Variants in FN1 observed in about 807,000 individuals in gnomAD.
FN1 encodes the protein fibronectin.
A neutral mutation model predicts 297.3 loss-of-function variants in FN1; 106 were observed. The ratio of observed to expected loss-of-function variants is 0.36; its 90% CI spans 0.30 to 0.42. The LOEUF is 0.42. FN1 is among the 10% of genes least tolerant of loss of function. The pLI, the probability that FN1 is intolerant of heterozygous loss-of-function variation, is 1.00. For missense variants in FN1, 2,690 were observed against 3,124.9 expected, an observed-to-expected ratio of 0.86 and a Z score of 3.32; for synonymous variants, 1,149 against 1,152.6, an observed-to-expected ratio of 1.00 and a Z score of 0.06.
At chr2:215,372,461 A>G (rs1431232809) in intron 39 of FN1, 86 bp from the exon 40 acceptor site, 27 of 974,868 alleles carry the variant, frequency 2.8e-5, no homozygotes, top group Non-Finnish European at 4.4e-5. Flanking sequence ...TTCAGGCAAC[A>G]ATGACTGTTC....
chr2:215,398,622 G>C (rs1033165054), intron 21 of FN1, among the ~76,000 whole-genome samples: 8 of 152,142 alleles, frequency 5.3e-5, no homozygotes, highest in African/African-American at 1.9e-4. Flanking sequence ...CGATCAAGGG[G>C]ATTGAGTCAT....
Position 215,422,344 on chromosome 2 carries a change from C to A in FN1, c.1394-101G>T, listed in dbSNP as rs762565380. The A allele has an allele frequency of 3.6e-4, 423 of 1,180,560 alleles. 1 individual carries two copies. Among genetic ancestry groups the A allele is most frequent in the Non-Finnish European group, 4.9e-4 (389 of 786,950 alleles). The allele number at this position is 1,180,560 out of a possible 1,614,324, so 73.1% of individuals were successfully genotyped here. ...GTTCAGTTTGGTCATCCTAAGAATTCTCACTTGGGAAGAAGCTTTGTGTGC... is the reference window on the plus strand; with the variant it reads ...GTTCAGTTTGGTCATCCTAAGAATTATCACTTGGGAAGAAGCTTTGTGTGC... On this transcript the variant is annotated intron_variant, in intron 9 of 45. Transcript: ENST00000354785.
chr2:215,422,077 AT>A lies in FN1; in HGVS notation c.1546+13del, dbSNP rs753876695. ...TTTGCCATCTCAAATATTTTTGTTA[AT>A]CAGCCAGCATACCTCGAAGCTGCGA... On this transcript the variant is annotated intron_variant, in intron 10 of 45. Transcript: ENST00000354785. 17 of 1,613,834 alleles carry A rather than the reference AT, an allele frequency of 1.1e-5. No homozygotes were observed. In the African/African-American group the frequency reaches 1.9e-4, roughly 18 times the overall value.
At chr2:215,367,220 C>CT (rs1207320018) in intron 42 of FN1, among the ~76,000 whole-genome samples, 7 of 152,104 alleles carry the variant, frequency 4.6e-5, no homozygotes, top group African/African-American at 1.7e-4. Flanking sequence ...AATCTCAAAG[C>CT]ATAATAGATA....
Position 215,433,419 on chromosome 2 carries a change from C to A in FN1, c.320G>T (p.Arg107Leu). 1 of 1,614,126 alleles carries A rather than the reference C, an allele frequency of 6.2e-7. No homozygotes were observed. Among genetic ancestry groups the A allele is most frequent in the Non-Finnish European group, 8.5e-7 (1 of 1,179,986 alleles). Residue 107 changes from arginine (R) to leucine (L), a missense_variant, in exon 3 of 46, where the codon CGA becomes CTA. Physicochemically the swap from Arg to Leu is moderately radical, Grantham distance 102. Around this residue, in one of 3 missense-constraint regions of FN1, gnomAD observed 876 missense variants for 1,058.1 expected, o/e 0.83. Transcript: ENST00000354785. ...AGGACGCTCATAAGTGTCACCCACT[C>A]GGTAAGTGTTCCCAGTGTACTTGTC... ...CFDKYTGNTY[R>L]VGDTYERPKD...
chr2:215,372,547 G>T (rs2056438832), intron 39 of FN1, 172 bp from the exon 40 acceptor site: 1 of 652,072 alleles, frequency 1.5e-6, no homozygotes. Context: ...GAAATCTTTA[G>T]GATTTTTCTC....
Position 215,419,272 on chromosome 2 carries a change from A to C in FN1, c.1789T>G (p.Trp597Gly). ...TAGGTCTGTAAAGGTTGGCAATGCC[A>C]CTCCCCAATGCCACGGCCATAGCAG... ...CYCYGRGIGEWHCQPLQTYPS... is the reference protein window; with the variant it reads ...CYCYGRGIGEGHCQPLQTYPS... Residue 597 changes from tryptophan to glycine, a missense_variant, in exon 12 of 46, where the codon TGG becomes GGG. Physicochemically the swap from Trp to Gly is radical, Grantham distance 184. Coordinates refer to ENST00000354785, the MANE Select transcript of FN1 (RefSeq NM_212482.4). The C allele has an allele frequency of 1.2e-6, 2 of 1,613,864 alleles. No individual in the cohort carries two copies. Among genetic ancestry groups the C allele is most frequent in the Non-Finnish European group, 1.7e-6 (2 of 1,179,876 alleles).
rs1180976655 is a variant in FN1 at position 215,393,440 on chromosome 2, A to ATG, written c.3797-238_3797-237insCA. On this transcript the variant is annotated intron_variant, in intron 24 of 45. Transcript: ENST00000354785. ...ATTCTTTTAGGGAATATATATATATATATATTTTTTACATTTTGAAAACAT... is the reference window on the plus strand; with the variant it reads ...ATTCTTTTAGGGAATATATATATATATGTATATTTTTTACATTTTGAAAACAT... The ATG allele has an allele frequency of 1.7e-5, 3 of 180,758 alleles. No individual in the cohort carries two copies. The Admixed American group carries it at 1.9e-4, about 11-fold the overall frequency. The allele number at this position is 180,758 out of a possible 1,614,324, so 11.2% of individuals were successfully genotyped here.
At position 215,401,259 on chromosome 2, in the gene FN1, A is replaced by AAAGAAAGGAAGG. The variant is rs1187788957; in HGVS notation, c.3254-1909_3254-1908insCCTTCCTTTCTT. ...GAAAGAAAGAAAGAAAGGAAGAAAG[A>AAAGAAAGGAAGG]AAGGAAGGAAAGGAAAGGAAAGGAA... On this transcript the variant is annotated intron_variant, in intron 20 of 45. Transcript: ENST00000354785. Among the ~76,000 whole-genome samples the AAAGAAAGGAAGG allele has an allele frequency of 1.2e-3, 100 of 81,804 alleles. 1 individual carries two copies. The highest frequency in any genetic ancestry group is 6.7e-3 in the Middle Eastern group (1 of 150). 53.7% of individuals were successfully genotyped at this position (81,804 alleles called of 152,430 possible).
At chr2:215,370,745 TAAGCCCTCTGG>T (rs1353334130) in intron 40 of FN1, among the ~76,000 whole-genome samples, 1 of 152,064 alleles carries the variant, frequency 6.6e-6, no homozygotes, top group Non-Finnish European at 1.5e-5. Flanking sequence ...CAGGTCTGCA[TAAGCCCTCTGG>T]AAGCCCTGGC....
At chr2:215,370,161 A>T in intron 41 of FN1, 133 bp downstream of exon 41, 3 of 881,278 alleles carry the variant, frequency 3.4e-6, no homozygotes, top group Non-Finnish European at 3.7e-6. Flanking sequence ...TTGCTCATTT[A>T]TTTCATGTTG....
At position 215,380,919 on chromosome 2, in the gene FN1, C is replaced by G. The variant is rs767643732; in HGVS notation, c.5326G>C (p.Asp1776His). The G allele has an allele frequency of 1.2e-6, 2 of 1,614,228 alleles. No homozygotes were observed. Among genetic ancestry groups the G allele is most frequent in the Non-Finnish European group, 1.7e-6 (2 of 1,180,044 alleles). The change falls in exon 33 of 46, where the codon GAC becomes CAC. Residue 1776 changes from aspartate to histidine, a missense_variant. Physicochemically the swap from Asp to His is moderately conservative, Grantham distance 81. Coordinates refer to ENST00000354785, the MANE Select transcript of FN1 (RefSeq NM_212482.4). ...ELFPAPDGEE[D>H]TAELQGLRPG... Reference sequence around the variant, plus strand: ...CTGAGGCCTTGCAGCTCTGCAGTGTCTTCTTCACCATCAGGTGCAGGGAAT... The same window carrying G: ...CTGAGGCCTTGCAGCTCTGCAGTGTGTTCTTCACCATCAGGTGCAGGGAAT...
At chr2:215,404,333 A>G (rs1423324252) in intron 20 of FN1, 56 bp downstream of exon 20, 3 of 1,483,754 alleles carry the variant, frequency 2.0e-6, no homozygotes, top group Non-Finnish European at 2.8e-6. Flanking sequence ...GTTTTAAAGC[A>G]TGAAGAATAG....
intron 33 of FN1, 42 bp from the exon 34 acceptor site, chr2:215,379,359 T>C (rs1164922394): frequency 6.3e-7 from 1 of 1,575,816 alleles, no homozygotes; most frequent in South Asian, 1.1e-5. Flanking sequence ...TTATAGGAAA[T>C]GGGGGAAAAG....
Position 215,381,011 on chromosome 2 carries a change from C to G in FN1, c.5234G>C (p.Ser1745Thr), listed in dbSNP as rs1212562061. ...DVDSIKIAWESPQGQVSRYRV... is the reference protein window; with the variant it reads ...DVDSIKIAWETPQGQVSRYRV... ...GTACCTGGAAACTTGCCCCTGTGGG[C>G]TTTCCCAAGCAATTTTGATGGAATC... Residue 1745 changes from serine (S) to threonine (T), a missense_variant, in exon 33 of 46, where the codon AGC (serine) becomes ACC (threonine). Physicochemically the swap from Ser to Thr is moderately conservative, Grantham distance 58. Coordinates refer to ENST00000354785, the MANE Select transcript of FN1 (RefSeq NM_212482.4). 6.2e-7 allele frequency: 1 copy of G among 1,614,234 alleles called. No individual in the cohort carries two copies. Among genetic ancestry groups the G allele is most frequent in the Admixed American group, 1.7e-5 (1 of 60,030 alleles).
At position 215,388,434 on chromosome 2, in the gene FN1, C is replaced by T. The variant is rs2106023300; in HGVS notation, c.4253-133G>A. The T allele has an allele frequency of 2.3e-5, 17 of 724,930 alleles. No homozygotes were observed. The South Asian group carries it at 2.4e-4, about 10-fold the overall frequency. The allele number at this position is 724,930 out of a possible 1,614,324, so 44.9% of individuals were successfully genotyped here. On this transcript the variant is annotated intron_variant, in intron 26 of 45. Coordinates refer to ENST00000354785, the MANE Select transcript of FN1 (RefSeq NM_212482.4). ...TAGCCTACTTACACCTAAGTGAACACTACAGCGAAGTGTTCAGTGAACAGA... is the reference window on the plus strand; with the variant it reads ...TAGCCTACTTACACCTAAGTGAACATTACAGCGAAGTGTTCAGTGAACAGA...
intron 33 of FN1, 48 bp downstream of exon 33, chr2:215,380,763 T>TA (rs777736444): frequency 6.0e-5 from 97 of 1,609,676 alleles, no homozygotes; most frequent in Non-Finnish European, 8.1e-5. Context: ...CAGTAGGGCA[T>TA]AAAGCCGCTG....
At chr2:215,374,913 T>C (rs543025427) in intron 38 of FN1, among the ~76,000 whole-genome samples, 97 of 152,302 alleles carry the variant, frequency 6.4e-4, no homozygotes, top group African/African-American at 2.2e-3. Context: ...TCAGCTAGTA[T>C]GCTTTGAAAA....
intron 23 of FN1, 121 bp downstream of exon 23, chr2:215,397,016 T>C: frequency 1.3e-6 from 1 of 789,658 alleles, no homozygotes; most frequent in East Asian, 2.5e-5. Context: ...CTATAGTTTT[T>C]ATGGAGAGCT....
Sources: gnomAD v4.1 joint callset for allele counts (sites outside exome capture counted in the v4.1 genomes callset) on GRCh38, gnomAD v4.1.1 for gene constraint, gnomAD v4.1.1 regional missense constraint, MANE v1.5 for transcripts, NCBI Gene and HGNC (gene_info 2026-07-23, HGNC 2026-07-21) for gene names.